DPP6: variants seen among roughly 807,000 people sequenced by gnomAD.
DPP6 encodes A-type potassium channel modulatory protein DPP6.
A neutral mutation model predicts 122.6 loss-of-function variants in DPP6; 69 were observed. That is an observed-to-expected ratio of 0.56 (90% CI 0.46 to 0.69). DPP6 has a LOEUF of 0.69. DPP6 is among the 30% of genes least tolerant of loss of function. DPP6 has a pLI of 0.00. For missense variants in DPP6, 928 were observed against 1,116.9 expected (o/e 0.83, Z 2.41); for synonymous variants, 418 against 433.1 (o/e 0.97, Z 0.43).
intron 5 of DPP6, among the ~76,000 whole-genome samples, chr7:154,611,701 A>G (rs1833919402): frequency 6.6e-6 from 1 of 152,216 alleles, no homozygotes; most frequent in Non-Finnish European, 1.5e-5. Flanking sequence ...TTGGAGACTC[A>G]CATGCAATTT....
At chr7:153,852,056 A>T in the DPP6 span, among the ~76,000 whole-genome samples, 1 of 152,040 alleles carries the variant, frequency 6.6e-6, no homozygotes. Flanking sequence ...ATTGTGTGTT[A>T]TTCAGCCTTT....
chr7:154,202,647 C>T (rs940172482), intron 1 of DPP6, among the ~76,000 whole-genome samples: 15 of 152,174 alleles, frequency 9.9e-5, no homozygotes, highest in African/African-American at 2.9e-4. Context: ...ATCTGCATGT[C>T]GGCTCCTGTG....
At position 154,758,738 on chromosome 7, in the gene DPP6, TTTTGTTTG is replaced by T. The variant is rs10680805; in HGVS notation, c.884-10663_884-10656del. Among the ~76,000 whole-genome samples, 1,065 of 151,966 alleles carry T rather than the reference TTTTGTTTG, an allele frequency of 7.0e-3. 16 individuals carry two copies. The highest frequency in any genetic ancestry group is 0.024 in the African/African-American group (995 of 41,412). On this transcript the variant is annotated intron_variant, in intron 8 of 25. Transcript: ENST00000377770. ...CTGAATTAAACTGATAACTGCAGGT[TTTTGTTTG>T]TTTGTTTGTTTGTTTTGTTTTGTTT...
At chr7:154,773,085 C>A in intron 10 of DPP6, 143 bp downstream of exon 10, 1 of 1,146,962 alleles carries the variant, frequency 8.7e-7, no homozygotes, top group Non-Finnish European at 1.2e-6. Context: ...GATTTCCTCA[C>A]TGCTTTATGA....
At chr7:154,690,673 A>G (rs1186025682) in intron 7 of DPP6, among the ~76,000 whole-genome samples, 1 of 152,014 alleles carries the variant, frequency 6.6e-6, no homozygotes, top group Non-Finnish European at 1.5e-5. Context: ...TCTTCTCCCC[A>G]TCTTCCCCTG....
At chr7:154,219,732 C>G (rs1260293913) in intron 1 of DPP6, among the ~76,000 whole-genome samples, 2 of 152,040 alleles carry the variant, frequency 1.3e-5, no homozygotes, top group Admixed American at 1.3e-4. Context: ...ATTACAGGTG[C>G]CTGCCACCAC....
At chr7:154,565,823 C>G (rs971802169) in intron 4 of DPP6, among the ~76,000 whole-genome samples, 1 of 152,212 alleles carries the variant, frequency 6.6e-6, no homozygotes, top group Admixed American at 6.5e-5. Flanking sequence ...CTGCGCCCAG[C>G]CAATGTGATG....
intron 1 of DPP6, among the ~76,000 whole-genome samples, chr7:154,356,072 T>G (rs1043335842): frequency 3.3e-5 from 5 of 152,190 alleles, no homozygotes; most frequent in Non-Finnish European, 5.9e-5. Flanking sequence ...CATTCCTAAG[T>G]GTTTGAGGGT....
At chr7:154,173,677 G>A (rs894308765) in intron 1 of DPP6, among the ~76,000 whole-genome samples, 6 of 152,146 alleles carry the variant, frequency 3.9e-5, no homozygotes, top group East Asian at 1.9e-4. Context: ...GGACTCCTCT[G>A]GACGTCAGCT....
chr7:153,996,167 T>G (rs1797423181), intron 1 of DPP6, among the ~76,000 whole-genome samples: 1 of 152,166 alleles, frequency 6.6e-6, no homozygotes, highest in Non-Finnish European at 1.5e-5. Flanking sequence ...GACACTCCAC[T>G]GTGATGACAC....
chr7:154,060,808 C>T (rs1320013503), intron 1 of DPP6, among the ~76,000 whole-genome samples: 5 of 127,540 alleles, frequency 3.9e-5, no homozygotes, highest in African/African-American at 1.6e-4. Flanking sequence ...GGGGGACGCA[C>T]CCCCCATGAG....
chr7:153,939,481 T>C (rs187526064), intron 1 of DPP6, among the ~76,000 whole-genome samples: 51 of 152,254 alleles, frequency 3.3e-4, no homozygotes, highest in African/African-American at 1.2e-3. Context: ...CTGAAATTAG[T>C]CTTAAATTAT....
intron 1 of DPP6, among the ~76,000 whole-genome samples, chr7:154,245,319 A>G (rs1563362673): frequency 6.6e-6 from 1 of 151,834 alleles, no homozygotes; most frequent in Non-Finnish European, 1.5e-5. Flanking sequence ...TAAAAGATAA[A>G]CCATAAAACA....
chr7:153,988,373 C>T (rs1201462314), intron 1 of DPP6, among the ~76,000 whole-genome samples: 4 of 20,302 alleles, frequency 2.0e-4, no homozygotes, highest in African/African-American at 4.4e-4. Context: ...AAGTGGATAC[C>T]ACTGTCCTCT....
intron 8 of DPP6, among the ~76,000 whole-genome samples, chr7:154,758,990 T>C (rs527259338): frequency 6.6e-6 from 1 of 152,348 alleles, no homozygotes; most frequent in East Asian, 1.9e-4. Flanking sequence ...AAAGTTGCTC[T>C]TCTCTTTACT....
chr7:154,297,113 A>G (rs1428312954), intron 1 of DPP6, among the ~76,000 whole-genome samples: 1 of 137,688 alleles, frequency 7.3e-6, no homozygotes, highest in African/African-American at 2.6e-5. Flanking sequence ...GGGATAGCCT[A>G]CTTTAATATC....
chr7:154,252,832 C>A lies in DPP6; in HGVS notation c.244-193382C>A, dbSNP rs536549130. ...CTACTGTCAAAATTGTTCTTGAGAT[C>A]CATCTGTCCCTAGACATAACTATAA... On this transcript the variant is annotated intron_variant, in intron 1 of 25. Transcript: ENST00000377770. 3.3e-4 allele frequency among the ~76,000 whole-genome samples: 50 copies of A among 152,110 alleles called. 1 individual carries two copies. Among genetic ancestry groups the A allele is most frequent in the Admixed American group, 1.1e-3 (17 of 15,302 alleles).
At chr7:153,859,056 A>G in the DPP6 span, among the ~76,000 whole-genome samples, 2 of 152,220 alleles carry the variant, frequency 1.3e-5, no homozygotes, top group Non-Finnish European at 2.9e-5. Context: ...AATGTGGCCC[A>G]TGAAATGAGA....
intron 1 of DPP6, among the ~76,000 whole-genome samples, chr7:154,327,862 T>C (rs1456299153): frequency 3.3e-5 from 5 of 152,194 alleles, no homozygotes; most frequent in African/African-American, 9.6e-5. Context: ...CTGTGATCAT[T>C]TGCAAAGAAA....
Sources: gnomAD v4.1 joint callset for allele counts (sites outside exome capture counted in the v4.1 genomes callset) on GRCh38, gnomAD v4.1.1 for gene constraint, MANE v1.5 for transcripts, NCBI Gene and HGNC (gene_info 2026-07-23, HGNC 2026-07-21) for gene names.